POT1: variants seen among roughly 807,000 people sequenced by gnomAD.
The protein encoded by POT1 is protection of telomeres 1, also known as protection of telomeres protein 1.
A neutral mutation model predicts 78.5 loss-of-function variants in POT1; 47 were observed. That is an observed-to-expected ratio of 0.60 (90% CI 0.47 to 0.76). The LOEUF (loss-of-function observed/expected upper bound fraction) is 0.76. POT1 is among the 30% of genes least tolerant of loss of function. POT1 has a pLI of 0.00. For synonymous variants in POT1, 259 were observed against 260.7 expected, an observed-to-expected ratio of 0.99 and a Z score of 0.06; for missense variants, 646 against 749.9, an observed-to-expected ratio of 0.86 and a Z score of 1.62.
chr7:124,896,714 G>C (rs931302431), intron 5 of POT1, among the ~76,000 whole-genome samples: 12 of 151,242 alleles, frequency 7.9e-5, no homozygotes, highest in African/African-American at 2.9e-4. Context: ...AAAATAGTGG[G>C]GAAAATGGTT....
rs1176534587 is a variant in POT1 at position 124,825,343 on chromosome 7, C to G, written c.1701G>C (p.Gln567His). 1.2e-6 allele frequency: 2 copies of G among 1,600,942 alleles called. No homozygotes were observed. The highest frequency in any genetic ancestry group is 1.7e-6 in the Non-Finnish European group (2 of 1,173,220). ...AYLMDSDKFF[Q>H]IPASEVLMDD... Reference sequence around the variant, plus strand: ...CCATCAGAACTTCTGATGCTGGAATCTGGAAGAATTTGTCCTTAAAAATGT... The same window carrying G: ...CCATCAGAACTTCTGATGCTGGAATGTGGAAGAATTTGTCCTTAAAAATGT... Residue 567 changes from glutamine to histidine, a missense_variant, in exon 18 of 19, where the codon CAG becomes CAC. Gln to His is a conservative substitution (Grantham distance 24). Around this residue, in one of 2 missense-constraint regions of POT1, gnomAD observed 394 missense variants for 408.4 expected, o/e 0.96. Transcript: ENST00000357628.
At chr7:124,919,499 T>C (rs1797095476) in intron 2 of POT1, among the ~76,000 whole-genome samples, 1 of 152,082 alleles carries the variant, frequency 6.6e-6, no homozygotes, top group Non-Finnish European at 1.5e-5. Context: ...GACAGGGCCA[T>C]TAAATAGGTA....
intron 9 of POT1, among the ~76,000 whole-genome samples, chr7:124,855,757 C>T (rs554374966): frequency 2.6e-4 from 39 of 150,930 alleles, no homozygotes; most frequent in African/African-American, 2.7e-4. Flanking sequence ...TTGTCATAAA[C>T]GGTCAAGAAT....
chr7:124,882,416 C>T (rs183805790), intron 6 of POT1, among the ~76,000 whole-genome samples: 2 of 152,076 alleles, frequency 1.3e-5, no homozygotes, highest in East Asian at 3.9e-4. Flanking sequence ...AATAAGAGCA[C>T]TCTTTATTTT....
intron 6 of POT1, among the ~76,000 whole-genome samples, chr7:124,876,446 A>T (rs1795992984): frequency 1.3e-5 from 2 of 152,314 alleles, no homozygotes; most frequent in South Asian, 4.1e-4. Flanking sequence ...AAAAAGAATG[A>T]CAAAAGGACA....
At chr7:124,860,402 A>AT (rs1795561797) in intron 8 of POT1, among the ~76,000 whole-genome samples, 1 of 152,020 alleles carries the variant, frequency 6.6e-6, no homozygotes, top group African/African-American at 2.4e-5. Context: ...ACAATTCTCT[A>AT]TTGTTAGTAT....
At chr7:124,900,852 C>G (rs1434350346) in intron 3 of POT1, 1 of 386,140 alleles carries the variant, frequency 2.6e-6, no homozygotes, top group East Asian at 8.1e-5. Flanking sequence ...GAGATTATAT[C>G]CCATGCCTGG....
At position 124,887,467 on chromosome 7, in the gene POT1, T is replaced by C. The variant is rs181547473; in HGVS notation, c.124+4799A>G. ...AAATATGCTGACCACAAGAAAAAGA[T>C]TTTCCCACATCCACCTGACCAAAGA... is the stretch of plus-strand genomic sequence containing the variant. On this transcript the variant is annotated intron_variant, in intron 6 of 18. Coordinates refer to ENST00000357628, the MANE Select transcript of POT1 (RefSeq NM_015450.3). Among the ~76,000 whole-genome samples, 675 of 152,174 alleles carry C rather than the reference T, an allele frequency of 4.4e-3. 4 individuals are homozygous for C. Among genetic ancestry groups the C allele is most frequent in the Non-Finnish European group, 6.0e-3 (408 of 67,958 alleles).
intron 6 of POT1, among the ~76,000 whole-genome samples, chr7:124,881,163 C>T (rs7796150): frequency 0.62 from 93,978 of 151,650 alleles, 29,434 homozygotes; most frequent in African/African-American, 0.71. Flanking sequence ...CAAGCCCAGA[C>T]GATGTTTATT....
intron 6 of POT1, among the ~76,000 whole-genome samples, chr7:124,883,727 C>G (rs1796177397): frequency 6.6e-6 from 1 of 151,586 alleles, no homozygotes; most frequent in Non-Finnish European, 1.5e-5. Context: ...GTATATTTTT[C>G]TAGGATAGGT....
At chr7:124,912,529 C>T (rs1316971878) in intron 3 of POT1, among the ~76,000 whole-genome samples, 1 of 152,110 alleles carries the variant, frequency 6.6e-6, no homozygotes, top group Non-Finnish European at 1.5e-5. Context: ...TACAGTTCTG[C>T]CTTACATTCT....
intron 6 of POT1, among the ~76,000 whole-genome samples, chr7:124,884,669 T>C (rs1175581273): frequency 1.3e-5 from 2 of 152,026 alleles, no homozygotes; most frequent in South Asian, 4.1e-4. Flanking sequence ...AGGCAAACAA[T>C]GAATATTTTG....
chr7:124,875,362 A>G (rs1795964617), intron 6 of POT1, among the ~76,000 whole-genome samples: 1 of 152,178 alleles, frequency 6.6e-6, no homozygotes, highest in African/African-American at 2.4e-5. Flanking sequence ...GAAATGAGGC[A>G]ATTGTCTAAA....
At chr7:124,827,573 T>G (rs1256894000) in intron 16 of POT1, among the ~76,000 whole-genome samples, 1 of 152,174 alleles carries the variant, frequency 6.6e-6, no homozygotes, top group African/African-American at 2.4e-5. Context: ...CTGCGCTGAT[T>G]GCTGTGGTGG....
At chr7:124,894,250 T>C (rs1394966791) in intron 5 of POT1, among the ~76,000 whole-genome samples, 1 of 151,462 alleles carries the variant, frequency 6.6e-6, no homozygotes, top group East Asian at 1.9e-4. Flanking sequence ...TAAAGAAAGC[T>C]AGCTCATCAA....
chr7:124,846,162 G>GACACACACACACACACACACAC lies in POT1; in HGVS notation c.1006+758_1006+779dup, dbSNP rs60301966. On this transcript the variant is annotated intron_variant, in intron 12 of 18. Transcript: ENST00000357628. ...GTACATATGAACACACATTCATACT[G>GACACACACACACACACACACAC]ACACACACACACACACACACACCCC... Among the ~76,000 whole-genome samples the GACACACACACACACACACACAC allele has an allele frequency of 3.7e-3, 556 of 148,818 alleles. 5 individuals are homozygous for GACACACACACACACACACACAC. Among genetic ancestry groups the GACACACACACACACACACACAC allele is most frequent in the African/African-American group, 0.013 (530 of 40,182 alleles).
In POT1 at chr7:124,823,707, A is replaced by C. The variant is rs1039723900; in HGVS notation, c.*255T>G. 3 of 399,492 alleles carry C rather than the reference A, an allele frequency of 7.5e-6. No homozygotes were observed. Among genetic ancestry groups the C allele is most frequent in the Non-Finnish European group, 8.9e-6 (2 of 225,310 alleles). 24.7% of individuals were successfully genotyped at this position (399,492 alleles called of 1,614,324 possible). ...ACTTAAAGTACACTGTAGCTTGATC[A>C]GACACTTATCTCAGCAGTACTTGTT... On this transcript the variant is annotated 3_prime_UTR_variant, in exon 19 of 19. Transcript: ENST00000357628.
chr7:124,918,736 T>C (rs1308064503), intron 2 of POT1, among the ~76,000 whole-genome samples: 2 of 152,154 alleles, frequency 1.3e-5, no homozygotes, highest in Non-Finnish European at 2.9e-5. Context: ...ATGAAATCTA[T>C]AGCTATTCCC....
intron 6 of POT1, among the ~76,000 whole-genome samples, chr7:124,891,251 C>G (rs917715839): frequency 1.3e-5 from 2 of 151,762 alleles, no homozygotes; most frequent in Non-Finnish European, 3.0e-5. Context: ...ACCCTTTTAT[C>G]ATTATGTGAT....
Sources: gnomAD v4.1 joint callset for allele counts (sites outside exome capture counted in the v4.1 genomes callset) on GRCh38, gnomAD v4.1.1 for gene constraint, gnomAD v4.1.1 regional missense constraint, MANE v1.5 for transcripts, NCBI Gene and HGNC (gene_info 2026-07-23, HGNC 2026-07-21) for gene names.